Variants in RORB observed in about 807,000 individuals in gnomAD.
The protein encoded by RORB is nuclear receptor ROR-beta.
RORB carries 6 observed loss-of-function variants against 59.1 expected under a neutral mutation model. That is an observed-to-expected ratio of 0.10 (90% confidence interval 0.06 to 0.20). The LOEUF is 0.20. Ranked by LOEUF, RORB falls within the 10% of genes least tolerant of loss-of-function variation. The probability of loss-of-function intolerance (pLI) is 1.00; values close to 1 mark genes in which losing one functional copy is unlikely to be tolerated. For missense variants in RORB, 320 were observed against 560.5 expected (o/e 0.57, Z 4.33); for synonymous variants, 215 against 204.5 (o/e 1.05, Z -0.44).
Position 74,634,716 on chromosome 9 carries a change from A to G in RORB, c.179A>G (p.Asn60Ser). The G allele has an allele frequency of 6.2e-7, 1 of 1,613,700 alleles. No homozygotes were observed. Among genetic ancestry groups the G allele is most frequent in the Non-Finnish European group, 8.5e-7 (1 of 1,179,704 alleles). The change falls in exon 3 of 10, where the codon AAC (asparagine) becomes AGC (serine). Residue 60 changes from asparagine (N) to serine (S), a missense_variant. By Grantham distance (46) the Asn-to-Ser change is conservative. Transcript: ENST00000376896. ...TGTTTAATTGACAGAACGAACAGAAACCGTTGCCAACACTGCCGACTGCAG... is the reference window on the plus strand; with the variant it reads ...TGTTTAATTGACAGAACGAACAGAAGCCGTTGCCAACACTGCCGACTGCAG... ...RNCLIDRTNRNRCQHCRLQKC... is the reference protein window; with the variant it reads ...RNCLIDRTNRSRCQHCRLQKC...
At chr9:74,618,484 T>C (rs34059398) in intron 1 of RORB, among the ~76,000 whole-genome samples, 1 of 152,208 alleles carries the variant, frequency 6.6e-6, no homozygotes, top group Non-Finnish European at 1.5e-5. Context: ...ACATTGAAAT[T>C]GGTTCTGATC....
intron 1 of RORB, among the ~76,000 whole-genome samples, chr9:74,606,930 G>A (rs1322657293): frequency 6.6e-6 from 1 of 152,164 alleles, no homozygotes; most frequent in African/African-American, 2.4e-5. Context: ...ATTTGTTGTT[G>A]TTCTTGTTGT....
chr9:74,498,091 G>C, intron 1 of RORB, 108 bp downstream of exon 1: 1 of 1,294,400 alleles, frequency 7.7e-7, no homozygotes, highest in Non-Finnish European at 1.1e-6. Context: ...AGGTTGCCCA[G>C]GCGCAGTTCC....
At chr9:74,615,111 A>C (rs1823291024) in intron 1 of RORB, among the ~76,000 whole-genome samples, 1 of 152,242 alleles carries the variant, frequency 6.6e-6, no homozygotes, top group Admixed American at 6.5e-5. Flanking sequence ...GAATAGGAAC[A>C]TGGTAATACC....
chr9:74,651,429 G>A (rs1205910635), intron 4 of RORB, among the ~76,000 whole-genome samples: 1 of 152,074 alleles, frequency 6.6e-6, no homozygotes, highest in Admixed American at 6.6e-5. Flanking sequence ...CAGCTTCTTG[G>A]GAGGCTGAGG....
intron 1 of RORB, among the ~76,000 whole-genome samples, chr9:74,538,579 A>G (rs1449666935): frequency 6.6e-6 from 1 of 152,110 alleles, no homozygotes; most frequent in Non-Finnish European, 1.5e-5. Flanking sequence ...AATTGTTATT[A>G]TTTATTAGCA....
At chr9:74,684,798 C>G (rs1054203659) in intron 9 of RORB, among the ~76,000 whole-genome samples, 4 of 152,166 alleles carry the variant, frequency 2.6e-5, no homozygotes, top group Non-Finnish European at 5.9e-5. Flanking sequence ...GAGAGCCACT[C>G]TACAAGTGGG....
chr9:74,590,219 T>C (rs1255289643), intron 1 of RORB, among the ~76,000 whole-genome samples: 3 of 152,172 alleles, frequency 2.0e-5, no homozygotes, highest in African/African-American at 7.2e-5. Context: ...AGCAGTAATG[T>C]CTACTGGACT....
intron 4 of RORB, among the ~76,000 whole-genome samples, chr9:74,644,016 C>T (rs1234607027): frequency 6.6e-6 from 1 of 152,214 alleles, no homozygotes; most frequent in Middle Eastern, 3.2e-3. Flanking sequence ...TGCTCAATAA[C>T]TCTTAGCTAT....
intron 1 of RORB, among the ~76,000 whole-genome samples, chr9:74,524,133 A>G (rs1049999876): frequency 1.6e-4 from 24 of 151,226 alleles, no homozygotes; most frequent in African/African-American, 5.8e-4. Flanking sequence ...CAGTAATTCC[A>G]GTATAGTGGG....
chr9:74,516,953 G>GTTGAT (rs1422698070), intron 1 of RORB, among the ~76,000 whole-genome samples: 1 of 151,976 alleles, frequency 6.6e-6, no homozygotes, highest in African/African-American at 2.4e-5. Flanking sequence ...GCTGTGGAAG[G>GTTGAT]TTGATTTGTT....
At chr9:74,626,571 G>T (rs1714469981) in intron 1 of RORB, among the ~76,000 whole-genome samples, 1 of 152,174 alleles carries the variant, frequency 6.6e-6, no homozygotes. Context: ...GAATACTATT[G>T]TTGAATAAAT....
At chr9:74,555,673 G>A (rs1243677304) in intron 1 of RORB, among the ~76,000 whole-genome samples, 1 of 152,174 alleles carries the variant, frequency 6.6e-6, no homozygotes, top group Non-Finnish European at 1.5e-5. Context: ...ATGTTATTCA[G>A]ATCCTGGAGT....
chr9:74,584,635 T>G (rs1587370345), intron 1 of RORB, among the ~76,000 whole-genome samples: 1 of 152,320 alleles, frequency 6.6e-6, no homozygotes, highest in East Asian at 1.9e-4. Flanking sequence ...TGATCTTCAT[T>G]TCAGCCCAGT....
chr9:74,656,955 G>A (rs1824093131), intron 4 of RORB, among the ~76,000 whole-genome samples: 2 of 152,132 alleles, frequency 1.3e-5, no homozygotes, highest in Admixed American at 6.6e-5. Context: ...CATGCACCCT[G>A]TGTTGCAAAT....
intron 1 of RORB, among the ~76,000 whole-genome samples, chr9:74,520,045 A>G (rs920370885): frequency 6.6e-6 from 1 of 151,952 alleles, no homozygotes; most frequent in African/African-American, 2.4e-5. Context: ...CACAGCACAT[A>G]GAGACTTAGA....
chr9:74,579,158 A>G (rs1246726177), intron 1 of RORB, among the ~76,000 whole-genome samples: 1 of 152,114 alleles, frequency 6.6e-6, no homozygotes, highest in East Asian at 1.9e-4. Flanking sequence ...TATTTAGTAA[A>G]TAATATTTAG....
At chr9:74,673,969 G>A (rs914726859) in intron 9 of RORB, among the ~76,000 whole-genome samples, 11 of 152,034 alleles carry the variant, frequency 7.2e-5, no homozygotes, top group African/African-American at 2.4e-4. Flanking sequence ...TTCATTTATC[G>A]CAGCTCTGAT....
Position 74,535,583 on chromosome 9 carries a change from C to G in RORB, c.7+37600C>G, listed in dbSNP as rs375769586. On this transcript the variant is annotated intron_variant, in intron 1 of 9. Transcript: ENST00000376896. ...ACACTTTTATGTCTCAATTTAAGAA[C>G]TTTGAGAAATGGTTTTGATATTTGA... is the stretch of plus-strand genomic sequence containing the variant. Among the ~76,000 whole-genome samples the G allele has an allele frequency of 2.6e-5, 4 of 151,838 alleles. No homozygotes were observed. In the East Asian group the frequency reaches 7.7e-4, roughly 29 times the overall value.
Sources: gnomAD v4.1 joint callset for allele counts (sites outside exome capture counted in the v4.1 genomes callset) on GRCh38, gnomAD v4.1.1 for gene constraint, MANE v1.5 for transcripts, NCBI Gene and HGNC (gene_info 2026-07-23, HGNC 2026-07-21) for gene names.